RFX2: variants seen among roughly 807,000 people sequenced by gnomAD.
RFX2 encodes the protein DNA-binding protein RFX2.
In RFX2, 20 loss-of-function variants were observed where a neutral mutation model predicts 87.8. That is an observed-to-expected ratio of 0.23 (90% CI 0.16 to 0.33). The LOEUF is 0.33. RFX2 is among the 10% of genes least tolerant of loss of function. RFX2 has a pLI of 1.00. For synonymous variants in RFX2, 397 were observed against 431.3 expected, an observed-to-expected ratio of 0.92 and a Z score of 0.98; for missense variants, 767 against 1,012.3, an observed-to-expected ratio of 0.76 and a Z score of 3.29.
chr19:6,087,484 G>GT (rs1405740403), intron 1 of RFX2, among the ~76,000 whole-genome samples: 2 of 152,146 alleles, frequency 1.3e-5, no homozygotes, highest in African/African-American at 2.4e-5. Context: ...GAGAAGTGCA[G>GT]TTTTTTCTAG....
chr19:6,099,211 G>A (rs2088077136), intron 1 of RFX2, among the ~76,000 whole-genome samples: 2 of 152,230 alleles, frequency 1.3e-5, no homozygotes, highest in Non-Finnish European at 2.9e-5. Context: ...CCACTGCAAT[G>A]GGCTGGGACA....
At chr19:6,005,286 T>C (rs1056014981) in intron 12 of RFX2, among the ~76,000 whole-genome samples, 6 of 152,172 alleles carry the variant, frequency 3.9e-5, no homozygotes, top group Admixed American at 2.6e-4. Context: ...AAAGGGAGCA[T>C]AGAGTTTACT....
rs1017635060 is a variant in RFX2 at position 6,040,925 on chromosome 19, C to T, written c.261-684G>A. 6.6e-6 allele frequency among the ~76,000 whole-genome samples: 1 copy of T among 152,086 alleles called. No individual in the cohort carries two copies. Among genetic ancestry groups the T allele is most frequent in the African/African-American group, 2.4e-5 (1 of 41,406 alleles). ...AAAGAAATAGACACGCACGCACATG[C>T]AAGGGTACACACATGAACATGCAAA... On this transcript the variant is annotated intron_variant, in intron 4 of 17. Coordinates refer to ENST00000303657, the MANE Select transcript of RFX2 (RefSeq NM_000635.4). This position sits in a 1 kb window ranked among gnomAD's most constrained non-coding sequence, Gnocchi z 6.1.
In RFX2 at chr19:6,014,297, G is replaced by A. The variant is rs186948666; in HGVS notation, c.780-1192C>T. On this transcript the variant is annotated intron_variant, in intron 7 of 17. Transcript: ENST00000303657. ...TGCCCAGGCTGGAGTGCAGTAGTGC[G>A]ATCTCGGCTCACTGCAACCTCCCTC... is the stretch of plus-strand genomic sequence containing the variant. 3.1e-3 allele frequency among the ~76,000 whole-genome samples: 477 copies of A among 152,142 alleles called. 2 individuals carry two copies. The highest frequency in any genetic ancestry group is 0.011 in the African/African-American group (440 of 41,508).
chr19:6,005,266 A>G (rs2086565677), intron 12 of RFX2, among the ~76,000 whole-genome samples: 1 of 152,274 alleles, frequency 6.6e-6, no homozygotes, highest in African/African-American at 2.4e-5. Flanking sequence ...GCTGTTTCCC[A>G]TCTTCCAGCA....
At chr19:6,033,709 A>T (rs977641446) in intron 5 of RFX2, among the ~76,000 whole-genome samples, 2 of 151,994 alleles carry the variant, frequency 1.3e-5, no homozygotes, top group Non-Finnish European at 2.9e-5. Context: ...CATACCACCA[A>T]GAGTGAACCC....
At position 6,013,064 on chromosome 19, in the gene RFX2, G is replaced by A. The variant is rs199920056; in HGVS notation, c.821C>T (p.Pro274Leu). ...CTGCAGCCGGTTCAGTGGTGAGTCC[G>A]GCTTCAGACGAATCCCATAGTAATG... ...KYHYYGIRLKPDSPLNRLQED... is the reference protein window; with the variant it reads ...KYHYYGIRLKLDSPLNRLQED... The change falls in exon 8 of 18, where the codon CCG (proline) becomes CTG (leucine). Residue 274 changes from proline to leucine, a missense_variant. Pro to Leu is a moderately conservative substitution (Grantham distance 98). Coordinates refer to ENST00000303657, the MANE Select transcript of RFX2 (RefSeq NM_000635.4). The surrounding 1 kb of genome is among the most constrained non-coding windows in gnomAD (Gnocchi z 4.1). The A allele has an allele frequency of 4.4e-6, 7 of 1,600,158 alleles. No individual in the cohort carries two copies. The East Asian group carries it at 1.1e-4, about 26-fold the overall frequency.
chr19:5,993,215 A>G lies in RFX2; in HGVS notation c.*1620T>C, dbSNP rs2086358835. ...TACCAGGAGTGAGGAAAAGCCGGGC[A>G]TTACAATCCGTTAACTGTGAGCTTC... On this transcript the variant is annotated 3_prime_UTR_variant, in exon 18 of 18. Coordinates refer to ENST00000303657, the MANE Select transcript of RFX2 (RefSeq NM_000635.4). The G allele has an allele frequency of 6.6e-6, 1 of 152,264 alleles. No homozygotes were observed. Among genetic ancestry groups the G allele is most frequent in the African/African-American group, 2.4e-5 (1 of 41,464 alleles). 9.4% of individuals were successfully genotyped at this position (152,264 alleles called of 1,614,324 possible).
chr19:6,049,475 A>G (rs112402223), intron 1 of RFX2, among the ~76,000 whole-genome samples: 1 of 152,328 alleles, frequency 6.6e-6, no homozygotes, highest in African/African-American at 2.4e-5. Flanking sequence ...ACCTTCCAGA[A>G]AGCAAGTTGT....
At position 6,045,890 on chromosome 19, in the gene RFX2, TTA is replaced by T. The variant is rs2087182990; in HGVS notation, c.90+1515_90+1516del. Among the ~76,000 whole-genome samples the T allele has an allele frequency of 6.6e-6, 1 of 152,116 alleles. No homozygotes were observed. Among genetic ancestry groups the T allele is most frequent in the Admixed American group, 6.6e-5 (1 of 15,258 alleles). ...TTAGTAGACACAGGGTTTCACCATGTTACTCAGACTGGTCTCAAACTCCTGAC... is the reference window on the plus strand; with the variant it reads ...TTAGTAGACACAGGGTTTCACCATGTCTCAGACTGGTCTCAAACTCCTGAC... On this transcript the variant is annotated intron_variant, in intron 2 of 17. Coordinates refer to ENST00000303657, the MANE Select transcript of RFX2 (RefSeq NM_000635.4). This position sits in a 1 kb window ranked among gnomAD's most constrained non-coding sequence, Gnocchi z 5.2.
At chr19:6,059,681 T>C (rs1272491017) in intron 1 of RFX2, among the ~76,000 whole-genome samples, 1 of 152,134 alleles carries the variant, frequency 6.6e-6, no homozygotes, top group Non-Finnish European at 1.5e-5. Flanking sequence ...CAGACGCATG[T>C]ATACACTCCC....
At chr19:6,000,307 G>C (rs2086474518) in intron 15 of RFX2, among the ~76,000 whole-genome samples, 1 of 152,178 alleles carries the variant, frequency 6.6e-6, no homozygotes, top group African/African-American at 2.4e-5. Flanking sequence ...TTTCACGCTT[G>C]CCAGATAGTA....
chr19:6,088,900 G>T (rs2087894633), intron 1 of RFX2, among the ~76,000 whole-genome samples: 1 of 152,204 alleles, frequency 6.6e-6, no homozygotes, highest in African/African-American at 2.4e-5. Flanking sequence ...GACTGTGGCT[G>T]TGTGCCAATA....
At chr19:6,041,925 A>G (rs1191537109) in intron 4 of RFX2, 119 bp downstream of exon 4, 1 of 802,874 alleles carries the variant, frequency 1.2e-6, no homozygotes, top group African/African-American at 1.7e-5. Flanking sequence ...TTTTAACAGT[A>G]TTTAGTGAAC....
rs115045092 is a variant in RFX2 at position 6,026,622 on chromosome 19, G to A, written c.523-385C>T. Reference sequence around the variant, plus strand: ...CATAGTCACCTGCTCCTTTCCCCACGCCACATCGATGGGGAACCAGAATGA... The same window carrying A: ...CATAGTCACCTGCTCCTTTCCCCACACCACATCGATGGGGAACCAGAATGA... On this transcript the variant is annotated intron_variant, in intron 5 of 17. Transcript: ENST00000303657. The surrounding 1 kb of genome is among the most constrained non-coding windows in gnomAD (Gnocchi z 4.5). The A allele has an allele frequency of 0.01, 2,307 of 223,186 alleles. 58 individuals carry two copies. Among genetic ancestry groups the A allele is most frequent in the African/African-American group, 0.05 (2,142 of 42,494 alleles). 13.8% of individuals were successfully genotyped at this position (223,186 alleles called of 1,614,324 possible).
intron 1 of RFX2, chr19:6,072,013 G>C (rs1405913658): frequency 4.6e-5 from 7 of 152,222 alleles, no homozygotes; most frequent in African/African-American, 1.7e-4. Flanking sequence ...ACGCTGTCCA[G>C]GAGGGGCGAG....
At chr19:6,028,125 TA>T (rs2086913355) in intron 5 of RFX2, among the ~76,000 whole-genome samples, 1 of 151,822 alleles carries the variant, frequency 6.6e-6, no homozygotes, top group Admixed American at 6.6e-5. Context: ...AGATAATTTT[TA>T]AAAAGATGTA....
chr19:6,094,400 C>T (rs2087991730), intron 1 of RFX2, among the ~76,000 whole-genome samples: 1 of 152,080 alleles, frequency 6.6e-6, no homozygotes, highest in South Asian at 2.1e-4. Flanking sequence ...TGGAGGGCAC[C>T]ACCTGTGTTT....
In RFX2 at chr19:5,998,262, C is replaced by T. The variant is rs557829004; in HGVS notation, c.1860-1049G>A. ...GGCGGAGGCTGCAGTGAGCCGAGAT[C>T]ATGTCGCTGCACTCTAGCCTGGGTG... On this transcript the variant is annotated intron_variant, in intron 15 of 17. Coordinates refer to ENST00000303657, the MANE Select transcript of RFX2 (RefSeq NM_000635.4). The surrounding 1 kb of genome is among the most constrained non-coding windows in gnomAD (Gnocchi z 4.2). Among the ~76,000 whole-genome samples the T allele has an allele frequency of 1.0e-3, 156 of 152,240 alleles. No homozygotes were observed. Among genetic ancestry groups the T allele is most frequent in the African/African-American group, 3.7e-3 (152 of 41,526 alleles).
Sources: allele counts gnomAD v4.1 joint callset (sites outside exome capture counted in the v4.1 genomes callset), GRCh38; gene constraint gnomAD v4.1.1; non-coding constraint Gnocchi (gnomAD v3.1); transcripts MANE v1.5; gene names NCBI Gene and HGNC (gene_info 2026-07-23, HGNC 2026-07-21).